The following ELP3 variants were observed in gnomAD, a reference collection of about 807,000 sequenced individuals.
ELP3 encodes elongator acetyltransferase complex subunit 3.
A neutral mutation model predicts 74.9 loss-of-function variants in ELP3; 56 were observed. That is an observed-to-expected ratio of 0.75 (90% CI 0.60 to 0.93). The LOEUF is 0.93. ELP3 is among the 40% of genes least tolerant of loss of function. The probability of loss-of-function intolerance (pLI) is 0.00; values close to 1 mark genes in which losing one functional copy is unlikely to be tolerated. For synonymous variants in ELP3, 222 were observed against 239.8 expected, an observed-to-expected ratio of 0.93 and a Z score of 0.68; for missense variants, 573 against 686.5, an observed-to-expected ratio of 0.83 and a Z score of 1.85.
At chr8:28,156,065 G>C in intron 11 of ELP3, 33 bp downstream of exon 11, 5 of 1,552,092 alleles carry the variant, frequency 3.2e-6, no homozygotes, top group Non-Finnish European at 4.4e-6. Flanking sequence ...GGCCACAACT[G>C]TTGAGAAAAA....
chr8:28,111,481 G>T (rs78893769), intron 6 of ELP3, among the ~76,000 whole-genome samples: 19 of 152,288 alleles, frequency 1.2e-4, no homozygotes, highest in African/African-American at 4.6e-4. Flanking sequence ...TAGTGGATAA[G>T]TTGTCTCTGG....
chr8:28,120,017 C>A (rs1812306217), intron 7 of ELP3, among the ~76,000 whole-genome samples: 1 of 152,118 alleles, frequency 6.6e-6, no homozygotes, highest in African/African-American at 2.4e-5. Flanking sequence ...GACGCCTGAG[C>A]TGTTTTGTTT....
intron 14 of ELP3, among the ~76,000 whole-genome samples, chr8:28,185,605 G>T (rs559200207): frequency 6.6e-6 from 1 of 152,296 alleles, no homozygotes; most frequent in African/African-American, 2.4e-5. Flanking sequence ...TGGCTTCTTT[G>T]TAGATAGGGG....
At chr8:28,185,320 C>T (rs1815193187) in intron 14 of ELP3, among the ~76,000 whole-genome samples, 1 of 152,136 alleles carries the variant, frequency 6.6e-6, no homozygotes, top group Admixed American at 6.5e-5. Context: ...TTCCATTACC[C>T]AACACCCAAC....
At chr8:28,185,910 C>T (rs1815222146) in intron 14 of ELP3, among the ~76,000 whole-genome samples, 1 of 152,174 alleles carries the variant, frequency 6.6e-6, no homozygotes, top group Non-Finnish European at 1.5e-5. Context: ...ACTCCGAATT[C>T]TGATTTTAAA....
chr8:28,110,651 G>A lies in ELP3; in HGVS notation c.462+213G>A, dbSNP rs1811881847. The A allele has an allele frequency of 1.3e-5, 6 of 461,868 alleles. No individual in the cohort carries two copies. In the South Asian group the frequency reaches 2.0e-4, roughly 15 times the overall value. 28.6% of individuals were successfully genotyped at this position (461,868 alleles called of 1,614,324 possible). A position where few individuals can be genotyped will look rare whatever the true frequency, so the allele number is the denominator to read the frequency against. On this transcript the variant is annotated intron_variant, in intron 6 of 14. Coordinates refer to ENST00000256398, the MANE Select transcript of ELP3 (RefSeq NM_018091.6). ...TTTAAAGACTGTATTTATTGTTTAA[G>A]GGTTTTATATTCTCTAAGTTTTTTT...
intron 10 of ELP3, among the ~76,000 whole-genome samples, chr8:28,151,255 G>A (rs978165257): frequency 1.3e-5 from 2 of 151,924 alleles, no homozygotes; most frequent in Non-Finnish European, 2.9e-5. Flanking sequence ...CTTTATTTCT[G>A]TTTCGGTGAT....
intron 14 of ELP3, among the ~76,000 whole-genome samples, chr8:28,176,379 T>C (rs1814753773): frequency 6.6e-6 from 1 of 152,168 alleles, no homozygotes; most frequent in Non-Finnish European, 1.5e-5. Context: ...GTGAACATAA[T>C]ACACAGCCCT....
chr8:28,106,615 T>C, intron 3 of ELP3, 98 bp from the exon 4 acceptor site: 1 of 843,136 alleles, frequency 1.2e-6, no homozygotes, highest in African/African-American at 1.7e-5. Flanking sequence ...TGCCACTCTC[T>C]GGTTGCATTC....
At chr8:28,162,825 G>T (rs1249829382) in intron 14 of ELP3, among the ~76,000 whole-genome samples, 1 of 152,168 alleles carries the variant, frequency 6.6e-6, no homozygotes, top group Non-Finnish European at 1.5e-5. Flanking sequence ...TGTTTAGCAA[G>T]GCCTGTTCAT....
intron 2 of ELP3, among the ~76,000 whole-genome samples, chr8:28,099,292 G>A (rs975307757): frequency 7.2e-5 from 11 of 151,812 alleles, no homozygotes; most frequent in Non-Finnish European, 4.4e-5. Context: ...AATTGTTGTT[G>A]TTGTTTTGTC....
intron 8 of ELP3, among the ~76,000 whole-genome samples, chr8:28,130,199 C>T (rs951191059): frequency 1.3e-5 from 2 of 152,036 alleles, no homozygotes; most frequent in Non-Finnish European, 2.9e-5. Flanking sequence ...AGAAAATACC[C>T]GCGAAAGGTT....
At chr8:28,177,461 A>C (rs894501879) in intron 14 of ELP3, among the ~76,000 whole-genome samples, 1 of 152,264 alleles carries the variant, frequency 6.6e-6, no homozygotes, top group Admixed American at 6.5e-5. Context: ...ATGTTGGTAG[A>C]TACATCAAGT....
At chr8:28,106,346 C>A (rs551867557) in intron 3 of ELP3, among the ~76,000 whole-genome samples, 139 of 151,858 alleles carry the variant, frequency 9.2e-4, no homozygotes, top group African/African-American at 3.0e-3. Context: ...CGAGACCATC[C>A]CGGCTAAAAC....
At chr8:28,165,044 G>A (rs551618355) in intron 14 of ELP3, among the ~76,000 whole-genome samples, 1 of 152,122 alleles carries the variant, frequency 6.6e-6, no homozygotes, top group Non-Finnish European at 1.5e-5. Flanking sequence ...CACTGATTTG[G>A]ATGGGAGTGG....
At position 28,093,692 on chromosome 8, in the gene ELP3, T is replaced by C. The variant is rs73669185; in HGVS notation, c.19+459T>C. On this transcript the variant is annotated intron_variant, in intron 1 of 14. Coordinates refer to ENST00000256398, the MANE Select transcript of ELP3 (RefSeq NM_018091.6). ...AATTATTCCCATTTTTATTACATCA[T>C]GAGTTAGCAATGAACAATTCCACCT... 788 of 172,294 alleles carry C rather than the reference T, an allele frequency of 4.6e-3. 8 individuals are homozygous for C. Among genetic ancestry groups the C allele is most frequent in the African/African-American group, 0.018 (735 of 41,702 alleles). The allele number at this position is 172,294 out of a possible 1,614,324, so 10.7% of individuals were successfully genotyped here. A position where few individuals can be genotyped will look rare whatever the true frequency, so the allele number is the denominator to read the frequency against.
intron 9 of ELP3, among the ~76,000 whole-genome samples, chr8:28,134,686 A>C (rs993142570): frequency 2.7e-4 from 41 of 152,264 alleles, no homozygotes; most frequent in African/African-American, 9.4e-4. Flanking sequence ...CAAAAAAGCG[A>C]AATTTAAAAC....
In ELP3 at chr8:28,146,556, G is replaced by A. The variant is rs180846445; in HGVS notation, c.1100+8665G>A. On this transcript the variant is annotated intron_variant, in intron 10 of 14. Coordinates refer to ENST00000256398, the MANE Select transcript of ELP3 (RefSeq NM_018091.6). The stretch of plus-strand genomic sequence containing the variant: ...ACTAGATTGAATCAAATGGAGAAAC[G>A]TAAAAATAATTTTAACTCCTACCTA... Among the ~76,000 whole-genome samples, 25 of 152,258 alleles carry A rather than the reference G, an allele frequency of 1.6e-4. No homozygotes were observed. The East Asian group carries it at 4.0e-3, about 25-fold the overall frequency.
Position 28,116,440 on chromosome 8 carries a change from G to A in ELP3, c.617+3267G>A, listed in dbSNP as rs115375793. On this transcript the variant is annotated intron_variant, in intron 7 of 14. Coordinates refer to ENST00000256398, the MANE Select transcript of ELP3 (RefSeq NM_018091.6). ...GATGGCGACTGCATTGTTACTGCTC[G>A]TTCAAAACTGATCAAGAGGCCGGGC... is the stretch of plus-strand genomic sequence containing the variant. 2.8e-3 allele frequency among the ~76,000 whole-genome samples: 430 copies of A among 152,252 alleles called. 1 individual carries two copies. The highest frequency in any genetic ancestry group is 9.7e-3 in the African/African-American group (404 of 41,550).
Sources: gnomAD v4.1 joint callset for allele counts (sites outside exome capture counted in the v4.1 genomes callset) on GRCh38, gnomAD v4.1.1 for gene constraint, MANE v1.5 for transcripts, NCBI Gene and HGNC (gene_info 2026-07-23, HGNC 2026-07-21) for gene names.